RIPK4: variants seen among roughly 807,000 people sequenced by gnomAD.
The protein encoded by RIPK4 is receptor-interacting serine/threonine-protein kinase 4.
In RIPK4, 17 loss-of-function variants were observed where a neutral mutation model predicts 42.9. The ratio of observed to expected loss-of-function variants is 0.40; its 90% CI spans 0.27 to 0.59. The LOEUF (loss-of-function observed/expected upper bound fraction) is 0.59. RIPK4 is among the 20% of genes least tolerant of loss of function. RIPK4 has a pLI of 0.47. For missense variants in RIPK4, 897 were observed against 1,104.4 expected, an observed-to-expected ratio of 0.81 and a Z score of 2.66; for synonymous variants, 498 against 499.1, an observed-to-expected ratio of 1.00 and a Z score of 0.03.
At chr21:41,756,891 A>C (rs1263592615) in intron 1 of RIPK4, 75 bp from the exon 2 acceptor site, 15 of 1,499,106 alleles carry the variant, frequency 1.0e-5, no homozygotes, top group Non-Finnish European at 1.4e-5. Context: ...CCTGGCCAGA[A>C]GACGACCAGC....
intron 1 of RIPK4, among the ~76,000 whole-genome samples, chr21:41,757,986 G>A (rs1253524996): frequency 1.0e-4 from 8 of 78,538 alleles, no homozygotes; most frequent in Non-Finnish European, 1.5e-4. Flanking sequence ...GCGACACAGA[G>A]AGACTCCATA....
chr21:41,743,697 G>A (rs141540750), intron 7 of RIPK4, among the ~76,000 whole-genome samples, 185 bp downstream of exon 7: 368 of 152,364 alleles, frequency 2.4e-3, no homozygotes, highest in African/African-American at 8.3e-3. Context: ...CACATGCTAA[G>A]TGACATAAGA....
At chr21:41,758,820 A>G (rs1373323435) in intron 1 of RIPK4, among the ~76,000 whole-genome samples, 3 of 152,234 alleles carry the variant, frequency 2.0e-5, no homozygotes, top group African/African-American at 7.2e-5. Context: ...AAAGCTGACC[A>G]ACCTCTGGTC....
chr21:41,741,851 C>A lies in RIPK4; in HGVS notation c.1342G>T (p.Ala448Ser). 1.9e-6 allele frequency: 3 copies of A among 1,612,854 alleles called. No individual in the cohort carries two copies. The highest frequency in any genetic ancestry group is 2.5e-6 in the Non-Finnish European group (3 of 1,180,012). ...CACTTGGCGCACTCCTCTTGCCCGGCCTCCACCGCCAGGTGCAGCAGGCTG... is the reference window on the plus strand; with the variant it reads ...CACTTGGCGCACTCCTCTTGCCCGGACTCCACCGCCAGGTGCAGCAGGCTG... The part of the protein sequence containing the change: ...GASLLHLAVE[A>S]GQEECAKWLL... The change falls in exon 8 of 8, where the codon GCC becomes TCC. Residue 448 changes from alanine to serine, a missense_variant. Physicochemically the swap from Ala to Ser is moderately conservative, Grantham distance 99. Coordinates refer to ENST00000332512, the MANE Select transcript of RIPK4 (RefSeq NM_020639.3).
chr21:41,766,973 C>T lies in RIPK4; in HGVS notation c.69G>A (p.Thr23=), dbSNP rs142208352. The T allele has an allele frequency of 1.9e-6, 3 of 1,605,972 alleles. No homozygotes were observed. The highest frequency in any genetic ancestry group is 1.7e-5 in the Admixed American group (1 of 59,708). The change falls in exon 1 of 8, where the codon ACG becomes ACA. Residue 23 remains threonine (T), a synonymous_variant. Coordinates refer to ENST00000332512, the MANE Select transcript of RIPK4 (RefSeq NM_020639.3). Reference sequence around the variant, plus strand: ...CGCCCGAGCCCACCTTCTCCCAGCCCGTGAACTCGCCCGCGTCGAAGGTGC... The same window carrying T: ...CGCCCGAGCCCACCTTCTCCCAGCCTGTGAACTCGCCCGCGTCGAAGGTGC... ...LLRTFDAGEF[T]GWEKVGSGGF...
intron 4 of RIPK4, among the ~76,000 whole-genome samples, chr21:41,748,065 G>C (rs936501251): frequency 3.3e-5 from 5 of 152,198 alleles, no homozygotes; most frequent in Admixed American, 1.3e-4. Context: ...ACAAGCCTTC[G>C]GGCTGTAGGC....
rs577583084 is a variant in RIPK4, at chr21:41,741,849, G to C, written c.1344C>G (p.Ala448=). The C allele has an allele frequency of 1.2e-6, 2 of 1,612,784 alleles. No homozygotes were observed. Among genetic ancestry groups the C allele is most frequent in the Non-Finnish European group, 1.7e-6 (2 of 1,180,022 alleles). Residue 448 remains alanine (A), a synonymous_variant, in exon 8 of 8, where the codon GCC becomes GCG. Transcript: ENST00000332512. The part of the protein sequence containing the change: ...GASLLHLAVE[A]GQEECAKWLL... ...GCCACTTGGCGCACTCCTCTTGCCC[G>C]GCCTCCACCGCCAGGTGCAGCAGGC...
intron 1 of RIPK4, among the ~76,000 whole-genome samples, chr21:41,761,983 T>C (rs762524839): frequency 6.6e-6 from 1 of 152,010 alleles, no homozygotes; most frequent in African/African-American, 2.4e-5. Flanking sequence ...GGAGACCCCA[T>C]TTACCTTACT....
chr21:41,751,725 GC>G lies in RIPK4; in HGVS notation c.475-481del, dbSNP rs2061189033. 6.6e-6 allele frequency among the ~76,000 whole-genome samples: 1 copy of G among 152,214 alleles called. No homozygotes were observed. The highest frequency in any genetic ancestry group is 2.4e-5 in the African/African-American group (1 of 41,460). On this transcript the variant is annotated intron_variant, in intron 2 of 7. Coordinates refer to ENST00000332512, the MANE Select transcript of RIPK4 (RefSeq NM_020639.3). This position sits in a 1 kb window ranked among gnomAD's most constrained non-coding sequence, Gnocchi z 4.5. The stretch of plus-strand genomic sequence containing the variant: ...TGGGGAGGCTGGCGGGCAAGTGGCT[GC>G]AAGTCCTTTAAAGGGAAACACAGAA...
rs766878820 is a variant in RIPK4 at position 41,741,834 on chromosome 21, G to A, written c.1359C>T (p.Cys453=). 9.3e-6 allele frequency: 15 copies of A among 1,612,156 alleles called. No individual in the cohort carries two copies. Among genetic ancestry groups the A allele is most frequent in the Non-Finnish European group, 1.2e-5 (14 of 1,180,004 alleles). ...CATTGTTGAGCAGCAGCCACTTGGC[G>A]CACTCCTCTTGCCCGGCCTCCACCG... ...HLAVEAGQEE[C]AKWLLLNNAN... is the part of the protein sequence containing the mutation. The change falls in exon 8 of 8, where the codon TGC becomes TGT. Residue 453 remains cysteine, a synonymous_variant. Coordinates refer to ENST00000332512, the MANE Select transcript of RIPK4 (RefSeq NM_020639.3).
chr21:41,756,014 G>T (rs1476546764), intron 2 of RIPK4, among the ~76,000 whole-genome samples: 1 of 152,144 alleles, frequency 6.6e-6, no homozygotes, highest in Non-Finnish European at 1.5e-5. Context: ...CGCACTCTAC[G>T]CAGGGGCAGA....
intron 7 of RIPK4, among the ~76,000 whole-genome samples, chr21:41,743,539 G>A (rs902628688): frequency 6.6e-6 from 1 of 152,194 alleles, no homozygotes; most frequent in African/African-American, 2.4e-5. Flanking sequence ...CCCGAGACAG[G>A]AGGCCCGCCA....
At chr21:41,765,012 T>C (rs2061231860) in intron 1 of RIPK4, among the ~76,000 whole-genome samples, 1 of 152,206 alleles carries the variant, frequency 6.6e-6, no homozygotes, top group South Asian at 2.1e-4. Flanking sequence ...TGCAATATCC[T>C]AAGTGATCCA....
At chr21:41,757,998 C>CAAAAAAAAAAAAAAA (rs530283443) in intron 1 of RIPK4, among the ~76,000 whole-genome samples, 1 of 13,080 alleles carries the variant, frequency 7.6e-5, no homozygotes, top group African/African-American at 4.4e-4. Context: ...GACTCCATAA[C>CAAAAAAAAAAAAAAA]AAAAAAAAAA....
At chr21:41,761,485 G>A (rs1240809204) in intron 1 of RIPK4, among the ~76,000 whole-genome samples, 1 of 152,166 alleles carries the variant, frequency 6.6e-6, no homozygotes, top group African/African-American at 2.4e-5. Flanking sequence ...CCCTACCAGT[G>A]TGGCCTCCCT....
chr21:41,749,737 G>A (rs939327978), intron 3 of RIPK4, among the ~76,000 whole-genome samples: 4 of 152,090 alleles, frequency 2.6e-5, no homozygotes, highest in Admixed American at 6.6e-5. Context: ...TCATTAGAGG[G>A]TTGTTAAAGA....
At chr21:41,749,374 G>GC (rs1380168009) in intron 3 of RIPK4, among the ~76,000 whole-genome samples, 171 bp from the exon 4 acceptor site, 1 of 152,046 alleles carries the variant, frequency 6.6e-6, no homozygotes, top group African/African-American at 2.4e-5. Flanking sequence ...CTATAGTGAA[G>GC]CCCAGCATGT....
Position 41,751,291 on chromosome 21 carries a change from A to C in RIPK4, c.475-46T>G. 1 of 1,603,008 alleles carries C rather than the reference A, an allele frequency of 6.2e-7. No individual in the cohort carries two copies. The highest frequency in any genetic ancestry group is 8.5e-7 in the Non-Finnish European group (1 of 1,173,104). ...CGGGGCTCATTAGCCTGCAACAGTGATATTTTATGATGCTTTATCAAAAGC... is the reference window on the plus strand; with the variant it reads ...CGGGGCTCATTAGCCTGCAACAGTGCTATTTTATGATGCTTTATCAAAAGC... On this transcript the variant is annotated intron_variant, in intron 2 of 7. Transcript: ENST00000332512. The surrounding 1 kb of genome is among the most constrained non-coding windows in gnomAD (Gnocchi z 4.5).
chr21:41,754,670 C>A (rs2061197793), intron 2 of RIPK4, among the ~76,000 whole-genome samples: 1 of 152,238 alleles, frequency 6.6e-6, no homozygotes. Flanking sequence ...GCTGCCTGCC[C>A]CGACTCCTGA....
Sources: gnomAD v4.1 joint callset for allele counts (sites outside exome capture counted in the v4.1 genomes callset) on GRCh38, gnomAD v4.1.1 for gene constraint, Gnocchi (gnomAD v3.1) non-coding constraint, MANE v1.5 for transcripts, NCBI Gene and HGNC (gene_info 2026-07-23, HGNC 2026-07-21) for gene names.